Variants in PDZRN3 observed in about 807,000 individuals in gnomAD.
PDZRN3 encodes E3 ubiquitin-protein ligase PDZRN3.
PDZRN3 carries 38 observed loss-of-function variants against 85.7 expected under a neutral mutation model. The ratio of observed to expected loss-of-function variants is 0.44; its 90% CI spans 0.34 to 0.58. PDZRN3 has a LOEUF of 0.58. Among genes scored for constraint, PDZRN3 ranks in the 20% least tolerant of loss-of-function variants. The probability of loss-of-function intolerance (pLI) is 0.01; values close to 1 mark genes in which losing one functional copy is unlikely to be tolerated. For synonymous variants in PDZRN3, 759 were observed against 638.0 expected (o/e 1.19, Z -2.86); for missense variants, 1,629 against 1,506.4 (o/e 1.08, Z -1.35).
Position 73,609,822 on chromosome 3 carries a change from G to A in PDZRN3, c.724-1138C>T, listed in dbSNP as rs185727334. Reference sequence around the variant, plus strand: ...TGGAAAGGCATGAATGCAACTCTCTGACTCAACCACACTGGCAAAGGAAAG... The same window carrying A: ...TGGAAAGGCATGAATGCAACTCTCTAACTCAACCACACTGGCAAAGGAAAG... On this transcript the variant is annotated intron_variant, in intron 1 of 9. Coordinates refer to ENST00000263666, the MANE Select transcript of PDZRN3 (RefSeq NM_015009.3). 2.5e-4 allele frequency among the ~76,000 whole-genome samples: 38 copies of A among 152,278 alleles called. 1 individual carries two copies. Among genetic ancestry groups the A allele is most frequent in the Admixed American group, 2.2e-3 (34 of 15,294 alleles).
At chr3:73,580,929 T>A (rs1702191286) in intron 3 of PDZRN3, among the ~76,000 whole-genome samples, 1 of 152,208 alleles carries the variant, frequency 6.6e-6, no homozygotes, top group South Asian at 2.1e-4. Context: ...AATTCTGAAA[T>A]ACAATGCAGC....
chr3:73,429,754 G>A (rs1575648351), intron 3 of PDZRN3, among the ~76,000 whole-genome samples: 1 of 152,146 alleles, frequency 6.6e-6, no homozygotes. Flanking sequence ...GATGTTTCCT[G>A]TTATTACTGA....
At chr3:73,433,752 CG>C in intron 3 of PDZRN3, 4 of 1,535,204 alleles carry the variant, frequency 2.6e-6, no homozygotes, top group Non-Finnish European at 3.5e-6. Context: ...CGCCAGCACC[CG>C]GGAAAAGCAG....
intron 3 of PDZRN3, among the ~76,000 whole-genome samples, chr3:73,450,908 T>G (rs1702844565): frequency 6.6e-6 from 1 of 152,038 alleles, no homozygotes; most frequent in African/African-American, 2.4e-5. Flanking sequence ...CTAGGATGAT[T>G]TGGAATATTT....
chr3:73,427,246 A>G (rs1466393807), intron 3 of PDZRN3, among the ~76,000 whole-genome samples: 1 of 152,196 alleles, frequency 6.6e-6, no homozygotes, highest in Non-Finnish European at 1.5e-5. Flanking sequence ...CAGCTCGACT[A>G]CATTTTACCA....
intron 3 of PDZRN3, among the ~76,000 whole-genome samples, chr3:73,557,864 C>T (rs1559737250): frequency 6.6e-6 from 1 of 152,082 alleles, no homozygotes; most frequent in Non-Finnish European, 1.5e-5. Flanking sequence ...CAACTTATGT[C>T]TTGCAGACAA....
At chr3:73,500,384 A>G (rs1000532717) in intron 3 of PDZRN3, among the ~76,000 whole-genome samples, 3 of 151,826 alleles carry the variant, frequency 2.0e-5, no homozygotes, top group Non-Finnish European at 4.4e-5. Context: ...TTAATCTGTC[A>G]CTAAGATTGA....
chr3:73,623,684 C>T (rs1346147667), intron 1 of PDZRN3: 1 of 159,188 alleles, frequency 6.3e-6, no homozygotes, highest in African/African-American at 2.4e-5. Flanking sequence ...ATGTGTCCAT[C>T]TCTCCTCTCC....
chr3:73,486,980 C>A (rs1387188017), intron 3 of PDZRN3, among the ~76,000 whole-genome samples: 1 of 152,036 alleles, frequency 6.6e-6, no homozygotes. Flanking sequence ...AAGTTGGTGC[C>A]CACTGTATTT....
chr3:73,489,590 TGAGATGGAGTCTCATTC>T (rs1575686911), intron 3 of PDZRN3, among the ~76,000 whole-genome samples: 21 of 146,224 alleles, frequency 1.4e-4, no homozygotes, highest in South Asian at 2.2e-4. Flanking sequence ...TTTTTTTTTT[TGAGATGGAGTCTCATTC>T]TTTTACCCAA....
intron 3 of PDZRN3, among the ~76,000 whole-genome samples, chr3:73,507,008 A>T (rs1704080666): frequency 6.6e-6 from 1 of 152,246 alleles, no homozygotes; most frequent in Admixed American, 6.5e-5. Flanking sequence ...GCACAGGCAT[A>T]GGTTGAATAC....
At chr3:73,554,530 G>T (rs1021347439) in intron 3 of PDZRN3, among the ~76,000 whole-genome samples, 12 of 152,018 alleles carry the variant, frequency 7.9e-5, no homozygotes, top group African/African-American at 2.7e-4. Context: ...TGAAAAATCA[G>T]AAACAAACCA....
intron 3 of PDZRN3, among the ~76,000 whole-genome samples, chr3:73,553,433 G>A (rs368145794): frequency 4.7e-4 from 71 of 152,076 alleles, no homozygotes; most frequent in African/African-American, 1.5e-3. Context: ...AAAATTAGCC[G>A]GGCGTGGTGG....
At chr3:73,419,898 G>A (rs1702165225) in intron 3 of PDZRN3, among the ~76,000 whole-genome samples, 1 of 152,110 alleles carries the variant, frequency 6.6e-6, no homozygotes, top group Admixed American at 6.5e-5. Flanking sequence ...TTTTAGTTTG[G>A]AGGGGGATGT....
At chr3:73,467,886 T>G (rs1703252348) in intron 3 of PDZRN3, among the ~76,000 whole-genome samples, 1 of 152,136 alleles carries the variant, frequency 6.6e-6, no homozygotes, top group African/African-American at 2.4e-5. Context: ...TTATATGAGG[T>G]GCCTGGGGTA....
intron 3 of PDZRN3, among the ~76,000 whole-genome samples, chr3:73,600,408 C>G (rs946585301): frequency 6.6e-6 from 1 of 151,328 alleles, no homozygotes; most frequent in African/African-American, 2.4e-5. Flanking sequence ...AACTCAGACG[C>G]AGATGAGGTA....
chr3:73,452,103 T>C (rs1241336771), intron 3 of PDZRN3, among the ~76,000 whole-genome samples: 1 of 152,136 alleles, frequency 6.6e-6, no homozygotes, highest in Non-Finnish European at 1.5e-5. Flanking sequence ...ACGATGGATA[T>C]AGCTCGGGCC....
intron 3 of PDZRN3, among the ~76,000 whole-genome samples, chr3:73,495,074 A>G (rs1293824031): frequency 2.0e-5 from 3 of 152,190 alleles, no homozygotes; most frequent in African/African-American, 7.2e-5. Context: ...GGTATTACTC[A>G]CTATGTGGGT....
At chr3:73,510,180 CT>C (rs1278003226) in intron 3 of PDZRN3, among the ~76,000 whole-genome samples, 1 of 152,220 alleles carries the variant, frequency 6.6e-6, no homozygotes, top group Non-Finnish European at 1.5e-5. Context: ...CTACTGCACG[CT>C]TTCTGCCTCC....
Sources: gnomAD v4.1 joint callset for allele counts (sites outside exome capture counted in the v4.1 genomes callset) on GRCh38, gnomAD v4.1.1 for gene constraint, MANE v1.5 for transcripts, NCBI Gene and HGNC (gene_info 2026-07-23, HGNC 2026-07-21) for gene names.